FBXO34: variants seen among roughly 807,000 people sequenced by gnomAD.
FBXO34 encodes the protein F-box only protein 34.
Under a neutral mutation model 24.5 loss-of-function variants are expected in FBXO34, and 12 were observed. That is an observed-to-expected ratio of 0.49 (90% CI 0.31 to 0.79). The LOEUF (loss-of-function observed/expected upper bound fraction) is 0.79, where lower values mean the gene tolerates loss of function less well. FBXO34 is among the 30% of genes least tolerant of loss of function. The probability of loss-of-function intolerance (pLI) is 0.04; values close to 1 mark genes in which losing one functional copy is unlikely to be tolerated. For missense variants in FBXO34, 823 were observed against 857.7 expected (o/e 0.96, Z 0.51); for synonymous variants, 320 against 311.9 (o/e 1.03, Z -0.27).
chr14:55,376,981 A>G, the FBXO34 span, among the ~76,000 whole-genome samples: 2 of 152,150 alleles, frequency 1.3e-5, no homozygotes, highest in African/African-American at 2.4e-5. Context: ...CATTGATTTC[A>G]AACCAGTTCA....
the FBXO34 span, among the ~76,000 whole-genome samples, chr14:55,401,669 A>C: frequency 6.6e-6 from 1 of 152,152 alleles, no homozygotes; most frequent in Non-Finnish European, 1.5e-5. Flanking sequence ...TGTTAAAAAA[A>C]GGTACTCCCT....
chr14:55,312,394 G>T (rs545583729), intron 1 of FBXO34, among the ~76,000 whole-genome samples: 1 of 152,242 alleles, frequency 6.6e-6, no homozygotes, highest in East Asian at 1.9e-4. Flanking sequence ...TAGAAGCACG[G>T]TACAAGCTGT....
rs377640813 is a variant in FBXO34, at chr14:55,351,315, C to G, written c.925C>G (p.Arg309Gly). The G allele has an allele frequency of 1.9e-6, 3 of 1,614,198 alleles. No individual in the cohort carries two copies. The highest frequency in any genetic ancestry group is 2.5e-6 in the Non-Finnish European group (3 of 1,180,048). ...GAGCCTCTCAAGGAATAACAGCTTC[C>G]GTCGAAATGTGGGCAGAGTATTGCT... is the stretch of plus-strand genomic sequence containing the variant. ...PGSLSRNNSFRRNVGRVLLAN... is the reference protein window; with the variant it reads ...PGSLSRNNSFGRNVGRVLLAN... Residue 309 changes from arginine to glycine, a missense_variant, in exon 2 of 2, where the codon CGT (arginine) becomes GGT (glycine). Transcript: ENST00000313833.
the FBXO34 span, among the ~76,000 whole-genome samples, chr14:55,412,375 T>G: frequency 6.6e-6 from 1 of 152,200 alleles, no homozygotes. Flanking sequence ...CCGTGAGGAT[T>G]AATATGGTTA....
At chr14:55,367,317 C>A in exon 3 of FBXO34, 2 of 152,282 alleles carry the variant, frequency 1.3e-5, no homozygotes, top group South Asian at 4.1e-4. Context: ...CTTACAAGAT[C>A]GTTAAGTTTA....
At chr14:55,340,843 A>C (rs1320458117) in intron 1 of FBXO34, among the ~76,000 whole-genome samples, 1 of 152,214 alleles carries the variant, frequency 6.6e-6, no homozygotes, top group East Asian at 1.9e-4. Context: ...GGAATCTTGA[A>C]TATTATCCCT....
chr14:55,390,867 A>G, the FBXO34 span: 2 of 1,357,320 alleles, frequency 1.5e-6, no homozygotes, highest in Admixed American at 2.0e-5. Context: ...GAAATTCCAC[A>G]TAGGCACTTT....
intron 1 of FBXO34, among the ~76,000 whole-genome samples, chr14:55,273,748 C>T (rs1265780407): frequency 1.3e-5 from 2 of 152,164 alleles, no homozygotes; most frequent in African/African-American, 2.4e-5. Flanking sequence ...GTGTCTTTCC[C>T]GAGCGGTAGC....
chr14:55,422,473 A>G, the FBXO34 span, among the ~76,000 whole-genome samples: 1 of 151,152 alleles, frequency 6.6e-6, no homozygotes, highest in African/African-American at 2.4e-5. Flanking sequence ...CTCATCTTGA[A>G]CTCCTGACCT....
intron 1 of FBXO34, among the ~76,000 whole-genome samples, chr14:55,326,541 G>GA (rs1349488115): frequency 1.3e-5 from 2 of 152,058 alleles, no homozygotes; most frequent in African/African-American, 2.4e-5. Flanking sequence ...TGGTGAGGAG[G>GA]AAAAAATCAT....
intron 1 of FBXO34, among the ~76,000 whole-genome samples, chr14:55,312,812 G>C (rs982601216): frequency 6.6e-6 from 1 of 152,224 alleles, no homozygotes; most frequent in Non-Finnish European, 1.5e-5. Context: ...CCTGGCCCAG[G>C]AAACCATTTT....
chr14:55,371,328 G>A (rs555061690), downstream of FBXO34, among the ~76,000 whole-genome samples: 2 of 152,254 alleles, frequency 1.3e-5, no homozygotes, highest in African/African-American at 4.8e-5. Flanking sequence ...GGTCTGCACC[G>A]TTGACTCACT....
downstream of FBXO34, chr14:55,369,576 G>T: frequency 2.1e-6 from 3 of 1,447,930 alleles, no homozygotes; most frequent in Non-Finnish European, 1.8e-6. Flanking sequence ...AGTGGGAGAA[G>T]AACTTTCTTG....
chr14:55,317,057 C>T (rs1215114264), intron 1 of FBXO34, among the ~76,000 whole-genome samples: 1 of 152,112 alleles, frequency 6.6e-6, no homozygotes, highest in Non-Finnish European at 1.5e-5. Flanking sequence ...CTCTGTGTTT[C>T]TCCTTTTAGA....
intron 1 of FBXO34, among the ~76,000 whole-genome samples, chr14:55,329,140 C>T (rs1205249117): frequency 6.6e-6 from 1 of 151,362 alleles, no homozygotes; most frequent in African/African-American, 2.4e-5. Context: ...GTCTTTAAAA[C>T]GTGGTTTATT....
At chr14:55,403,113 T>C in the FBXO34 span, among the ~76,000 whole-genome samples, 12 of 150,668 alleles carry the variant, frequency 8.0e-5, no homozygotes, top group East Asian at 2.1e-3. Flanking sequence ...AGTGAGAACC[T>C]GTCTCTCAAA....
chr14:55,331,693 A>ATATATATG (rs1883553407), intron 1 of FBXO34, among the ~76,000 whole-genome samples: 1 of 66,562 alleles, frequency 1.5e-5, no homozygotes, highest in South Asian at 4.1e-4. Flanking sequence ...ATGTGTATAT[A>ATATATATG]TATATATATA....
intron 1 of FBXO34, among the ~76,000 whole-genome samples, chr14:55,324,320 T>G (rs1883270219): frequency 6.6e-6 from 1 of 152,216 alleles, no homozygotes; most frequent in South Asian, 2.1e-4. Flanking sequence ...GTACCACAGT[T>G]TGTTTACCCA....
At chr14:55,306,241 CAT>C (rs1882540532) in intron 1 of FBXO34, among the ~76,000 whole-genome samples, 1 of 152,148 alleles carries the variant, frequency 6.6e-6, no homozygotes, top group African/African-American at 2.4e-5. Context: ...TCAGGGAAAC[CAT>C]ATGAGAGAGT....
Sources: gnomAD v4.1 joint callset for allele counts (sites outside exome capture counted in the v4.1 genomes callset) on GRCh38, gnomAD v4.1.1 for gene constraint, MANE v1.5 for transcripts, NCBI Gene and HGNC (gene_info 2026-07-23, HGNC 2026-07-21) for gene names.